Variants in KCNK2 observed in about 807,000 individuals in gnomAD.
KCNK2 encodes the protein potassium two pore domain channel subfamily K member 2.
KCNK2 carries 21 observed loss-of-function variants against 40.5 expected under a neutral mutation model. That is an observed-to-expected ratio of 0.52 (90% CI 0.37 to 0.75). The LOEUF (loss-of-function observed/expected upper bound fraction) is 0.75, where lower values mean the gene tolerates loss of function less well. KCNK2 is among the 30% of genes least tolerant of loss of function. The probability of loss-of-function intolerance (pLI) is 0.00; values close to 1 mark genes in which losing one functional copy is unlikely to be tolerated. For synonymous variants in KCNK2, 191 were observed against 202.2 expected (o/e 0.94, Z 0.47); for missense variants, 399 against 531.6 (o/e 0.75, Z 2.45).
chr1:215,068,101 A>G (rs1427437126), intron 1 of KCNK2, among the ~76,000 whole-genome samples: 3 of 148,844 alleles, frequency 2.0e-5, no homozygotes, highest in East Asian at 2.0e-4. Context: ...TAGATATCCA[A>G]CTCTTCAGTA....
intron 2 of KCNK2, among the ~76,000 whole-genome samples, chr1:215,090,595 G>A (rs1659651522): frequency 6.6e-6 from 1 of 152,170 alleles, no homozygotes; most frequent in South Asian, 2.1e-4. Flanking sequence ...AACCAGTAGA[G>A]GATGGTCACA....
At chr1:215,071,072 A>G (rs529626393) in intron 1 of KCNK2, among the ~76,000 whole-genome samples, 8 of 152,296 alleles carry the variant, frequency 5.3e-5, no homozygotes, top group East Asian at 1.9e-4. Context: ...TTTCCTCATC[A>G]TATCTTGTTT....
intron 3 of KCNK2, among the ~76,000 whole-genome samples, chr1:215,143,970 GA>G (rs766849202): frequency 5.9e-5 from 9 of 152,056 alleles, no homozygotes; most frequent in Non-Finnish European, 1.2e-4. Flanking sequence ...AAATCAGTAT[GA>G]AAAACACTGG....
chr1:215,045,186 A>C (rs1463933818), intron 1 of KCNK2, among the ~76,000 whole-genome samples: 1 of 132,556 alleles, frequency 7.5e-6, no homozygotes, highest in African/African-American at 2.8e-5. Flanking sequence ...TCCGTCTCAA[A>C]AAACAAACAA....
intron 2 of KCNK2, among the ~76,000 whole-genome samples, chr1:215,087,755 A>G (rs76743260): frequency 0.054 from 8,148 of 152,164 alleles, 719 homozygotes; most frequent in African/African-American, 0.18. Context: ...GACTGAGGGG[A>G]AAAATTATTG....
At chr1:215,161,469 T>C (rs1220102117) in intron 3 of KCNK2, among the ~76,000 whole-genome samples, 2 of 151,966 alleles carry the variant, frequency 1.3e-5, no homozygotes, top group Non-Finnish European at 2.9e-5. Context: ...GTGCAGAACA[T>C]GAAGATTTGT....
chr1:215,007,031 A>ATG (rs1346524192), intron 1 of KCNK2, among the ~76,000 whole-genome samples: 21 of 79,298 alleles, frequency 2.6e-4, no homozygotes, highest in Admixed American at 2.3e-3. Context: ...ATATATATAT[A>ATG]TATATATGTG....
rs1447302577 is a variant in KCNK2 at position 215,093,904 on chromosome 1, A to G, written c.357+7226A>G. 4.4e-5 allele frequency among the ~76,000 whole-genome samples: 5 copies of G among 113,942 alleles called. No individual in the cohort carries two copies. In the East Asian group the frequency reaches 1.1e-3, roughly 25 times the overall value. The allele number at this position is 113,942 out of a possible 152,430, so 74.8% of individuals were successfully genotyped here. On this transcript the variant is annotated intron_variant, in intron 2 of 6. Transcript: ENST00000444842. ...TATATATTATATATAAAAATATATT[A>G]TATATTATATATAAAAATATATATT...
Position 215,169,352 on chromosome 1 carries a change from C to A in KCNK2, c.629C>A (p.Thr210Lys), listed in dbSNP as rs776218980. The A allele has an allele frequency of 1.9e-5, 30 of 1,607,518 alleles. No homozygotes were observed. Among genetic ancestry groups the A allele is most frequent in the Non-Finnish European group, 2.5e-5 (29 of 1,175,928 alleles). The change falls in exon 4 of 7, where the codon ACG (threonine) becomes AAG (lysine). Residue 210 changes from threonine (T) to lysine (K), a missense_variant. By Grantham distance (78) the Thr-to-Lys change is moderately conservative (BLOSUM62 -1). Coordinates refer to ENST00000444842, the MANE Select transcript of KCNK2 (RefSeq NM_001017425.3). ...AAAGGAATTGCCAAAGTGGAAGATA[C>A]GTTTATTGTGAGTATGATAGATATT... ...FGKGIAKVED[T>K]FIKWNVSQTK...
intron 5 of KCNK2, among the ~76,000 whole-genome samples, chr1:215,193,239 A>G (rs1664738724): frequency 6.6e-6 from 1 of 152,142 alleles, no homozygotes; most frequent in Non-Finnish European, 1.5e-5. Flanking sequence ...GATCTTTGAT[A>G]TACTTGCAAT....
chr1:215,160,042 A>G (rs1024289777), intron 3 of KCNK2, among the ~76,000 whole-genome samples: 1 of 152,222 alleles, frequency 6.6e-6, no homozygotes, highest in African/African-American at 2.4e-5. Context: ...TTTATGAACT[A>G]TTCTGGGAGA....
At chr1:215,198,768 A>T (rs1664967841) in intron 6 of KCNK2, among the ~76,000 whole-genome samples, 1 of 152,196 alleles carries the variant, frequency 6.6e-6, no homozygotes, top group Non-Finnish European at 1.5e-5. Flanking sequence ...CATTTTTGAT[A>T]ACTGGGAATC....
At position 215,234,901 on chromosome 1, in the gene KCNK2, G is replaced by A. The variant is rs371990293; in HGVS notation, c.1037G>A (p.Arg346Gln). 5 of 1,614,054 alleles carry A rather than the reference G, an allele frequency of 3.1e-6. No homozygotes were observed. The highest frequency in any genetic ancestry group is 3.4e-6 in the Non-Finnish European group (4 of 1,180,018). The change falls in exon 7 of 7, where the codon CGA becomes CAA. Residue 346 changes from arginine to glutamine, a missense_variant. Physicochemically the swap from Arg to Gln is conservative, Grantham distance 43 (BLOSUM62 1). Transcript: ENST00000444842. ...VTAEFKETRR[R>Q]LSVEIYDKFQ... The stretch of plus-strand genomic sequence containing the variant: ...GCCGAATTCAAAGAAACCAGGAGGC[G>A]ACTGAGTGTGGAGATTTATGACAAG...
At position 215,168,126 on chromosome 1, in the gene KCNK2, T is replaced by C. The variant is rs181864570; in HGVS notation, c.476-1073T>C. Among the ~76,000 whole-genome samples, 195 of 152,266 alleles carry C rather than the reference T, an allele frequency of 1.3e-3. 1 individual carries two copies. Among genetic ancestry groups the C allele is most frequent in the African/African-American group, 4.5e-3 (186 of 41,556 alleles). On this transcript the variant is annotated intron_variant, in intron 3 of 6. Coordinates refer to ENST00000444842, the MANE Select transcript of KCNK2 (RefSeq NM_001017425.3). ...CATATGAAAAACAGCTCAACATCACTGATCATTAGAGAAATACAAATCAAA... is the reference window on the plus strand; with the variant it reads ...CATATGAAAAACAGCTCAACATCACCGATCATTAGAGAAATACAAATCAAA...
chr1:215,157,269 C>T (rs574495097), intron 3 of KCNK2, among the ~76,000 whole-genome samples: 11 of 152,276 alleles, frequency 7.2e-5, no homozygotes, highest in Admixed American at 1.3e-4. Flanking sequence ...ATATCCCTCA[C>T]GGGGTGACCA....
intron 6 of KCNK2, among the ~76,000 whole-genome samples, chr1:215,233,212 A>C (rs970187841): frequency 1.8e-4 from 27 of 152,258 alleles, no homozygotes; most frequent in African/African-American, 6.3e-4. Flanking sequence ...CTGATTCTAC[A>C]TGCCATAGAG....
intron 2 of KCNK2, among the ~76,000 whole-genome samples, chr1:215,091,961 C>A (rs908878191): frequency 6.6e-6 from 1 of 151,972 alleles, no homozygotes; most frequent in Non-Finnish European, 1.5e-5. Context: ...TCATGTAGGG[C>A]CCTGGAAGTC....
At chr1:215,141,702 A>G (rs1413676561) in intron 3 of KCNK2, among the ~76,000 whole-genome samples, 1 of 152,044 alleles carries the variant, frequency 6.6e-6, no homozygotes, top group African/African-American at 2.4e-5. Flanking sequence ...AACTCTATAA[A>G]TTGTTCTTTA....
chr1:215,120,762 G>A (rs1292199005), intron 2 of KCNK2, among the ~76,000 whole-genome samples: 3 of 152,134 alleles, frequency 2.0e-5, no homozygotes, highest in Non-Finnish European at 4.4e-5. Flanking sequence ...CTAGATTAGA[G>A]TGTATGAACC....
Sources: gnomAD v4.1 joint callset for allele counts (sites outside exome capture counted in the v4.1 genomes callset) on GRCh38, gnomAD v4.1.1 for gene constraint, MANE v1.5 for transcripts, NCBI Gene and HGNC (gene_info 2026-07-23, HGNC 2026-07-21) for gene names.